The following NTM variants were observed in gnomAD, a reference collection of about 807,000 sequenced individuals.
The protein encoded by NTM is neurotrimin.
Under a neutral mutation model 42.1 loss-of-function variants are expected in NTM, and 13 were observed. The observed-to-expected ratio is 0.31, with a 90% CI of 0.20 to 0.49. The LOEUF is 0.49. NTM is among the 20% of genes least tolerant of loss of function. The pLI is 0.99. For synonymous variants in NTM, 187 were observed against 179.2 expected (o/e 1.04, Z -0.35); for missense variants, 373 against 452.8 (o/e 0.82, Z 1.60).
chr11:131,749,408 C>T (rs1277326459), intron 1 of NTM, among the ~76,000 whole-genome samples: 2 of 152,178 alleles, frequency 1.3e-5, no homozygotes, highest in East Asian at 3.8e-4. Context: ...GAGTGAGCAT[C>T]TAAAAATGGC....
chr11:131,667,850 C>G (rs913245128), intron 1 of NTM, among the ~76,000 whole-genome samples: 1 of 152,194 alleles, frequency 6.6e-6, no homozygotes, highest in Non-Finnish European at 1.5e-5. Context: ...GGTGTCTCCT[C>G]TGTGCTACCA....
At chr11:131,852,684 T>C (rs1017696263) in intron 1 of NTM, among the ~76,000 whole-genome samples, 4 of 152,122 alleles carry the variant, frequency 2.6e-5, no homozygotes, top group African/African-American at 9.7e-5. Context: ...TCAGCTCACT[T>C]TGAAGTATAC....
intron 1 of NTM, among the ~76,000 whole-genome samples, chr11:131,502,409 G>T (rs527287750): frequency 6.6e-6 from 1 of 152,266 alleles, no homozygotes; most frequent in East Asian, 1.9e-4. Context: ...AGACACACAG[G>T]TTATGGCATT....
chr11:131,766,588 G>A (rs1480105601), intron 1 of NTM, among the ~76,000 whole-genome samples: 3 of 152,014 alleles, frequency 2.0e-5, no homozygotes, highest in Non-Finnish European at 4.4e-5. Context: ...CCCCCCTTCT[G>A]CTGAGAATCT....
chr11:132,241,583 G>A (rs1190260596), intron 4 of NTM, among the ~76,000 whole-genome samples: 4 of 152,144 alleles, frequency 2.6e-5, no homozygotes, highest in African/African-American at 7.2e-5. Context: ...CACCCTTTTG[G>A]TAACTGGCTC....
chr11:131,705,175 T>C (rs1026955896), intron 1 of NTM, among the ~76,000 whole-genome samples: 1 of 152,150 alleles, frequency 6.6e-6, no homozygotes, highest in African/African-American at 2.4e-5. Context: ...ATGAGGCACA[T>C]TATAGTTAAA....
intron 2 of NTM, among the ~76,000 whole-genome samples, chr11:131,960,658 G>T (rs497449): frequency 0.13 from 20,082 of 152,174 alleles, 1,717 homozygotes; most frequent in East Asian, 0.27. Flanking sequence ...GCAGCAGATT[G>T]GGAGAACTGT....
intron 2 of NTM, among the ~76,000 whole-genome samples, chr11:132,007,002 C>T (rs1478287578): frequency 2.0e-5 from 3 of 152,190 alleles, no homozygotes; most frequent in Non-Finnish European, 4.4e-5. Flanking sequence ...GCGAGACCCT[C>T]CTGGGCACTC....
intron 2 of NTM, among the ~76,000 whole-genome samples, chr11:132,070,966 G>A (rs577676456): frequency 7.8e-5 from 11 of 141,018 alleles, no homozygotes; most frequent in African/African-American, 2.9e-4. Flanking sequence ...ACCGTCACAG[G>A]TTAGTTAACA....
chr11:132,142,100 G>A (rs531411608), intron 2 of NTM, among the ~76,000 whole-genome samples: 55 of 152,316 alleles, frequency 3.6e-4, no homozygotes, highest in Non-Finnish European at 5.3e-4. Context: ...AGCGGTGGGA[G>A]GGCGGTATAT....
At chr11:131,844,551 T>C (rs1253347711) in intron 1 of NTM, among the ~76,000 whole-genome samples, 6 of 152,194 alleles carry the variant, frequency 3.9e-5, no homozygotes, top group Admixed American at 1.3e-4. Flanking sequence ...TTATAGAATA[T>C]TTTTGTATGA....
At chr11:131,866,670 C>A (rs1171559526) in intron 1 of NTM, among the ~76,000 whole-genome samples, 1 of 152,228 alleles carries the variant, frequency 6.6e-6, no homozygotes, top group Non-Finnish European at 1.5e-5. Context: ...GTCAGAAACA[C>A]CCTCGGATTA....
At position 131,662,954 on chromosome 11, in the gene NTM, T is replaced by A. The variant is rs1355744017; in HGVS notation, c.83-248610T>A. ...CCACAGAGCATATAAGTACATGGGA[T>A]ATATTTGAATAGTTTTAATATGCTA... On this transcript the variant is annotated intron_variant, in intron 1 of 8. Transcript: ENST00000683400. Among the ~76,000 whole-genome samples the A allele has an allele frequency of 2.6e-5, 4 of 152,298 alleles. No individual in the cohort carries two copies. The South Asian group carries it at 6.2e-4, about 24-fold the overall frequency.
intron 3 of NTM, among the ~76,000 whole-genome samples, chr11:132,170,214 C>G (rs998777956): frequency 6.6e-6 from 1 of 152,232 alleles, no homozygotes; most frequent in African/African-American, 2.4e-5. Context: ...CAATACTCTT[C>G]ATGTCACCAA....
intron 1 of NTM, among the ~76,000 whole-genome samples, chr11:131,405,623 C>T (rs1490829369): frequency 6.6e-6 from 1 of 152,188 alleles, no homozygotes; most frequent in Non-Finnish European, 1.5e-5. Flanking sequence ...TTGCTGCCTG[C>T]TCATTTTCAA....
intron 1 of NTM, among the ~76,000 whole-genome samples, chr11:131,391,325 A>G (rs780968774): frequency 1.5e-4 from 23 of 151,990 alleles, no homozygotes; most frequent in Non-Finnish European, 2.8e-4. Context: ...CAAAGCAACT[A>G]CCAGCCTGGC....
At chr11:131,491,506 C>A (rs372131642) in intron 1 of NTM, among the ~76,000 whole-genome samples, 3 of 150,352 alleles carry the variant, frequency 2.0e-5, no homozygotes, top group African/African-American at 7.6e-5. Flanking sequence ...ATTGCATATT[C>A]TTTTCTTAAA....
At chr11:132,017,764 T>A (rs765543222) in intron 2 of NTM, among the ~76,000 whole-genome samples, 6 of 152,004 alleles carry the variant, frequency 3.9e-5, no homozygotes, top group Admixed American at 6.6e-5. Flanking sequence ...ATATATTGAG[T>A]CTTTAAATCC....
chr11:131,935,989 A>G (rs1479421171), intron 2 of NTM, among the ~76,000 whole-genome samples: 3 of 152,172 alleles, frequency 2.0e-5, no homozygotes, highest in African/African-American at 7.2e-5. Flanking sequence ...AGAGTGATAA[A>G]AAGAGGGGAA....
Sources: gnomAD v4.1 joint callset for allele counts (sites outside exome capture counted in the v4.1 genomes callset) on GRCh38, gnomAD v4.1.1 for gene constraint, MANE v1.5 for transcripts, NCBI Gene and HGNC (gene_info 2026-07-23, HGNC 2026-07-21) for gene names.